Variants in UBR2 observed in about 807,000 individuals in gnomAD.
The protein encoded by UBR2 is E3 ubiquitin-protein ligase UBR2.
Under a neutral mutation model 247.9 loss-of-function variants are expected in UBR2, and 92 were observed. That is an observed-to-expected ratio of 0.37 (90% CI 0.31 to 0.44). The LOEUF is 0.44. Among genes scored for constraint, UBR2 ranks in the 20% least tolerant of loss-of-function variants. The probability of loss-of-function intolerance (pLI) is 1.00; values close to 1 mark genes in which losing one functional copy is unlikely to be tolerated. For missense variants in UBR2, 1,613 were observed against 2,112.6 expected (o/e 0.76, Z 4.64); for synonymous variants, 672 against 693.5 (o/e 0.97, Z 0.49).
In UBR2 at chr6:42,576,165, A is replaced by G. The variant is rs144010429; in HGVS notation, c.338+2172A>G. On this transcript the variant is annotated intron_variant, in intron 2 of 46. Coordinates refer to ENST00000372901, the MANE Select transcript of UBR2 (RefSeq NM_001363705.2). Reference sequence around the variant, plus strand: ...TAGTGGAAAATGGTGTTTACAAATAAGATGGTATGTGTGCATGTTGCTGTT... The same window carrying G: ...TAGTGGAAAATGGTGTTTACAAATAGGATGGTATGTGTGCATGTTGCTGTT... Among the ~76,000 whole-genome samples, 7 of 152,242 alleles carry G rather than the reference A, an allele frequency of 4.6e-5. No individual in the cohort carries two copies. The East Asian group carries it at 1.3e-3, about 29-fold the overall frequency.
intron 11 of UBR2, among the ~76,000 whole-genome samples, chr6:42,625,667 C>G (rs1400663444): frequency 2.0e-5 from 3 of 152,054 alleles, no homozygotes; most frequent in Non-Finnish European, 1.5e-5. Context: ...CCAGGCTGGT[C>G]TCAAGCTCCT....
chr6:42,655,508 A>T, intron 25 of UBR2, 113 bp from the exon 26 acceptor site: 2 of 571,198 alleles, frequency 3.5e-6, no homozygotes, highest in South Asian at 2.6e-5. Context: ...AATTGCATTT[A>T]GTATTTCATA....
chr6:42,605,663 A>G, intron 5 of UBR2, 58 bp from the exon 6 acceptor site: 1 of 1,518,192 alleles, frequency 6.6e-7, no homozygotes, highest in East Asian at 2.3e-5. Context: ...TTAATAAGTC[A>G]GCCTGGAGCA....
intron 46 of UBR2, among the ~76,000 whole-genome samples, chr6:42,690,208 T>C (rs566641653): frequency 6.6e-6 from 1 of 152,348 alleles, no homozygotes; most frequent in South Asian, 2.1e-4. Flanking sequence ...ATCTCTTTTG[T>C]CTAAAGGAGG....
rs1562334337 is a variant in UBR2, at chr6:42,632,582, A to G, written c.1312A>G (p.Met438Val). The part of the protein sequence containing the change: ...ARMLITEENL[M>V]SIIIKTFMDH... Reference sequence around the variant, plus strand: ...AATGCTCATCACAGAAGAAAACTTAATGAGCATTATCATTAAGACTTTTAT... The same window carrying G: ...AATGCTCATCACAGAAGAAAACTTAGTGAGCATTATCATTAAGACTTTTAT... Residue 438 changes from methionine (M) to valine (V), a missense_variant, in exon 12 of 47, where the codon ATG becomes GTG. By Grantham distance (21) the Met-to-Val change is conservative. Coordinates refer to ENST00000372901, the MANE Select transcript of UBR2 (RefSeq NM_001363705.2). The G allele has an allele frequency of 6.2e-7, 1 of 1,607,032 alleles. No individual in the cohort carries two copies. The highest frequency in any genetic ancestry group is 8.5e-7 in the Non-Finnish European group (1 of 1,177,980).
At chr6:42,623,288 C>T (rs1235143369) in intron 11 of UBR2, among the ~76,000 whole-genome samples, 3 of 151,890 alleles carry the variant, frequency 2.0e-5, no homozygotes, top group Non-Finnish European at 4.4e-5. Context: ...TTTCTCTATT[C>T]CTAGTTTGCT....
Position 42,676,082 on chromosome 6 carries a change from G to A in UBR2, c.4278G>A (p.Ala1426=), listed in dbSNP as rs146539040. ...LLVGLVLAFP[A]LQCQDFSGIS... is the part of the protein sequence containing the mutation. ...TGGGCTTGGTGCTTGCATTTCCTGC[G>A]TTGCAGTGTCAGGATTTTTCAGGGA... Residue 1426 remains alanine (A), a synonymous_variant, in exon 39 of 47, where the codon GCG becomes GCA. Transcript: ENST00000372901. 30 of 1,613,034 alleles carry A rather than the reference G, an allele frequency of 1.9e-5. No homozygotes were observed. The highest frequency in any genetic ancestry group is 1.6e-4 in the Middle Eastern group (1 of 6,084).
chr6:42,659,518 TATACAC>T lies in UBR2; in HGVS notation c.3243-136_3243-131del, dbSNP rs1233454832. 0.022 allele frequency: 11,191 copies of T among 508,086 alleles called. 190 individuals are homozygous for T. Among genetic ancestry groups the T allele is most frequent in the African/African-American group, 0.052 (1,130 of 21,778 alleles). The allele number at this position is 508,086 out of a possible 1,614,324, so 31.5% of individuals were successfully genotyped here. A position where few individuals can be genotyped will look rare whatever the true frequency, so the allele number is the denominator to read the frequency against. On this transcript the variant is annotated intron_variant, in intron 29 of 46. Coordinates refer to ENST00000372901, the MANE Select transcript of UBR2 (RefSeq NM_001363705.2). This position sits in a 1 kb window ranked among gnomAD's most constrained non-coding sequence, Gnocchi z 4.3. The stretch of plus-strand genomic sequence containing the variant: ...CTGTCTCAAAAAATAAATAAATATA[TATACAC>T]ACACACACACACACACACACACACA...
rs147572727 is a variant in UBR2, at chr6:42,582,344, A to G, written c.338+8351A>G. Among the ~76,000 whole-genome samples, 76 of 151,918 alleles carry G rather than the reference A, an allele frequency of 5.0e-4. 2 individuals carry two copies. The East Asian group carries it at 7.9e-3, about 16-fold the overall frequency. On this transcript the variant is annotated intron_variant, in intron 2 of 46. Transcript: ENST00000372901. ...AGAAAATTATTTATATTAAGACACC[A>G]TAAGATAGGCCTTCTAGACTGTAAT...
At chr6:42,641,905 C>A (rs1796471237) in intron 17 of UBR2, among the ~76,000 whole-genome samples, 1 of 152,076 alleles carries the variant, frequency 6.6e-6, no homozygotes, top group Non-Finnish European at 1.5e-5. Context: ...GTGGTCATGA[C>A]TTTTACTTGA....
At chr6:42,601,043 T>A (rs945241809) in intron 4 of UBR2, among the ~76,000 whole-genome samples, 25 of 152,208 alleles carry the variant, frequency 1.6e-4, no homozygotes, top group African/African-American at 6.0e-4. Flanking sequence ...GTTTGGAAAC[T>A]GTTGGTTAGG....
intron 10 of UBR2, among the ~76,000 whole-genome samples, chr6:42,616,471 C>T (rs1445223962): frequency 2.0e-5 from 3 of 151,474 alleles, no homozygotes; most frequent in Non-Finnish European, 2.9e-5. Flanking sequence ...TTAAAATTAG[C>T]ATTGCAGTCT....
chr6:42,595,065 T>G (rs987812142), intron 4 of UBR2, among the ~76,000 whole-genome samples: 4 of 152,190 alleles, frequency 2.6e-5, no homozygotes, highest in South Asian at 4.1e-4. Flanking sequence ...TGGGGCACAG[T>G]GTGATATTTT....
Position 42,659,840 on chromosome 6 carries a change from T to G in UBR2, c.3427T>G (p.Phe1143Val). The change falls in exon 30 of 47, where the codon TTT (phenylalanine) becomes GTT (valine). Residue 1143 changes from phenylalanine (F) to valine (V), a missense_variant. Coordinates refer to ENST00000372901, the MANE Select transcript of UBR2 (RefSeq NM_001363705.2). The surrounding 1 kb of genome is among the most constrained non-coding windows in gnomAD (Gnocchi z 4.3). Reference protein sequence around the residue: ...STVLSKNRSKFIQDPEKYDPL... With the variant: ...STVLSKNRSKVIQDPEKYDPL... ...TGTATTATCAAAAAACAGAAGTAAA[T>G]TTATTCAAGATCCAGGTAAGTCATA... The G allele has an allele frequency of 6.2e-7, 1 of 1,614,046 alleles. No homozygotes were observed. Among genetic ancestry groups the G allele is most frequent in the Admixed American group, 1.7e-5 (1 of 60,012 alleles).
chr6:42,680,844 G>C (rs1349926165), intron 42 of UBR2, among the ~76,000 whole-genome samples: 2 of 152,166 alleles, frequency 1.3e-5, no homozygotes, highest in Admixed American at 1.3e-4. Flanking sequence ...AGAAGTGGGA[G>C]GATCACTTGA....
intron 7 of UBR2, among the ~76,000 whole-genome samples, chr6:42,610,468 G>A (rs1346789062): frequency 1.3e-5 from 2 of 152,210 alleles, no homozygotes; most frequent in Non-Finnish European, 2.9e-5. Context: ...GAAACAAAAT[G>A]TGGTATATAC....
chr6:42,658,405 C>A, intron 28 of UBR2, 85 bp downstream of exon 28: 2 of 1,282,762 alleles, frequency 1.6e-6, no homozygotes, highest in Non-Finnish European at 2.1e-6. Context: ...ATTAAGTTGC[C>A]AGTTACTCAC....
At chr6:42,571,091 T>TG (rs1419318678) in intron 1 of UBR2, among the ~76,000 whole-genome samples, 8 of 151,182 alleles carry the variant, frequency 5.3e-5, no homozygotes, top group Non-Finnish European at 7.4e-5. Context: ...ACTGCATAAT[T>TG]TTTTTTTAGA....
chr6:42,676,071 G>A lies in UBR2; in HGVS notation c.4267G>A (p.Ala1423Thr). Residue 1423 changes from alanine (A) to threonine (T), a missense_variant, in exon 39 of 47, where the codon GCA becomes ACA. Coordinates refer to ENST00000372901, the MANE Select transcript of UBR2 (RefSeq NM_001363705.2). ...TGGTGCCTAGGTGGGCTTGGTGCTT[G>A]CATTTCCTGCGTTGCAGTGTCAGGA... ...MFHLLVGLVL[A>T]FPALQCQDFS... The A allele has an allele frequency of 6.2e-7, 1 of 1,612,304 alleles. No homozygotes were observed. Among genetic ancestry groups the A allele is most frequent in the Non-Finnish European group, 8.5e-7 (1 of 1,179,444 alleles).
Sources: gnomAD v4.1 joint callset for allele counts (sites outside exome capture counted in the v4.1 genomes callset) on GRCh38, gnomAD v4.1.1 for gene constraint, Gnocchi (gnomAD v3.1) non-coding constraint, MANE v1.5 for transcripts, NCBI Gene and HGNC (gene_info 2026-07-23, HGNC 2026-07-21) for gene names.